The following ZMYM2 variants were observed in gnomAD, a reference collection of about 807,000 sequenced individuals.
ZMYM2 encodes the protein zinc finger MYM-type protein 2.
Under a neutral mutation model 162.8 loss-of-function variants are expected in ZMYM2, and 56 were observed. That is an observed-to-expected ratio of 0.34 (90% CI 0.28 to 0.43). The LOEUF is 0.43. Among genes scored for constraint, ZMYM2 ranks in the 20% least tolerant of loss-of-function variants. ZMYM2 has a pLI of 1.00. For synonymous variants in ZMYM2, 510 were observed against 541.6 expected, an observed-to-expected ratio of 0.94 and a Z score of 0.81; for missense variants, 1,275 against 1,621.8, an observed-to-expected ratio of 0.79 and a Z score of 3.67.
the ZMYM2 span, among the ~76,000 whole-genome samples, chr13:19,875,303 A>C: frequency 6.6e-6 from 1 of 152,098 alleles, no homozygotes; most frequent in East Asian, 1.9e-4. Context: ...TCTGGTACAT[A>C]TGTACCATGG....
the ZMYM2 span, among the ~76,000 whole-genome samples, chr13:19,896,863 A>G: frequency 0.11 from 16,855 of 151,196 alleles, 1,152 homozygotes; most frequent in Middle Eastern, 0.15. Context: ...TCACCTCATC[A>G]GGAGTTCGAG....
chr13:19,918,500 T>C, the ZMYM2 span, among the ~76,000 whole-genome samples: 20 of 129,394 alleles, frequency 1.5e-4, no homozygotes, highest in Non-Finnish European at 2.3e-4. Context: ...TCTTTCTTTT[T>C]TTTTTTTTTT....
chr13:19,874,386 ATATTTATTTATG>A, the ZMYM2 span, among the ~76,000 whole-genome samples: 1 of 151,952 alleles, frequency 6.6e-6, no homozygotes, highest in African/African-American at 2.4e-5. Context: ...CACCCAGCTA[ATATTTATTTATG>A]TATTTATTTA....
the ZMYM2 span, among the ~76,000 whole-genome samples, chr13:19,916,629 G>A: frequency 0.68 from 102,928 of 150,948 alleles, 36,805 homozygotes; most frequent in East Asian, 0.84. Context: ...ACAAAACACT[G>A]CATGTTCTCA....
the ZMYM2 span, chr13:19,864,495 G>A: frequency 3.9e-5 from 6 of 155,008 alleles, no homozygotes; most frequent in African/African-American, 1.2e-4. Context: ...CGACGGTGGA[G>A]ACACCCAGAC....
At chr13:20,072,434 T>C (rs1435439936) in intron 21 of ZMYM2, among the ~76,000 whole-genome samples, 1 of 152,124 alleles carries the variant, frequency 6.6e-6, no homozygotes, top group African/African-American at 2.4e-5. Flanking sequence ...GGCTGGAGAA[T>C]TGCTTGAACC....
chr13:19,888,452 G>T, the ZMYM2 span, among the ~76,000 whole-genome samples: 1 of 151,806 alleles, frequency 6.6e-6, no homozygotes, highest in Non-Finnish European at 1.5e-5. Flanking sequence ...GCATCCCAAA[G>T]TGCTGGCAAT....
chr13:19,920,736 GTGTATGTATGTATGTA>G, the ZMYM2 span, among the ~76,000 whole-genome samples: 15 of 149,830 alleles, frequency 1.0e-4, no homozygotes, highest in South Asian at 2.1e-4. Context: ...TCATTTATGT[GTGTATGTATGTATGTA>G]TGTATGTATG....
upstream of ZMYM2, among the ~76,000 whole-genome samples, chr13:19,956,012 G>T (rs1371085045): frequency 2.6e-5 from 4 of 152,292 alleles, no homozygotes; most frequent in Non-Finnish European, 2.9e-5. Flanking sequence ...GACATATCAT[G>T]CAATTCACAC....
At chr13:20,046,475 G>A (rs371170579) in intron 12 of ZMYM2, among the ~76,000 whole-genome samples, 21 of 151,086 alleles carry the variant, frequency 1.4e-4, no homozygotes, top group Middle Eastern at 3.4e-3. Flanking sequence ...GATCACTTGA[G>A]TTCAGGTTTT....
chr13:19,866,403 C>T, the ZMYM2 span, among the ~76,000 whole-genome samples: 1 of 152,138 alleles, frequency 6.6e-6, no homozygotes, highest in African/African-American at 2.4e-5. Context: ...CGGTGGCTCA[C>T]ACTTGTAATC....
chr13:19,960,684 G>A (rs1955112308), intron 2 of ZMYM2, among the ~76,000 whole-genome samples: 1 of 152,128 alleles, frequency 6.6e-6, no homozygotes, highest in Non-Finnish European at 1.5e-5. Context: ...ATTTTTGAAT[G>A]TGTTACCAGA....
chr13:20,058,491 T>A (rs1019316172), intron 14 of ZMYM2, 84 bp from the exon 15 acceptor site: 22 of 1,492,334 alleles, frequency 1.5e-5, no homozygotes, highest in Non-Finnish European at 1.9e-5. Context: ...GTTCCCTTCT[T>A]AGGACTGAAA....
At chr13:19,916,092 A>G in the ZMYM2 span, among the ~76,000 whole-genome samples, 2 of 151,776 alleles carry the variant, frequency 1.3e-5, no homozygotes, top group Middle Eastern at 3.2e-3. Flanking sequence ...CTATCTCCTG[A>G]CCTCATGATG....
chr13:20,050,941 A>G (rs1237029987), intron 12 of ZMYM2, among the ~76,000 whole-genome samples: 2 of 152,062 alleles, frequency 1.3e-5, no homozygotes, highest in Non-Finnish European at 2.9e-5. Context: ...AAGCTTTTCA[A>G]ATTTATATTA....
chr13:19,917,641 T>G, the ZMYM2 span, among the ~76,000 whole-genome samples: 2 of 151,786 alleles, frequency 1.3e-5, no homozygotes, highest in African/African-American at 2.4e-5. Flanking sequence ...AAGTGATTGC[T>G]TATTACGTCA....
chr13:19,950,664 G>A, the ZMYM2 span, among the ~76,000 whole-genome samples: 5 of 152,260 alleles, frequency 3.3e-5, no homozygotes, highest in South Asian at 4.1e-4. Context: ...TTCTGGTTCC[G>A]GGTCCTGCCC....
At chr13:20,066,806 T>C (rs1956714912) in intron 19 of ZMYM2, 45 bp from the exon 20 acceptor site, 7 of 1,473,748 alleles carry the variant, frequency 4.7e-6, no homozygotes, top group East Asian at 2.5e-5. Flanking sequence ...AATGAAATAA[T>C]GTAGGCTTTA....
intron 11 of ZMYM2, 36 bp from the exon 12 acceptor site, chr13:20,036,701 T>C: frequency 1.4e-6 from 2 of 1,403,838 alleles, no homozygotes; most frequent in Non-Finnish European, 1.9e-6. Context: ...TTTCATGTGT[T>C]TTTTTGTTTT....
Sources: gnomAD v4.1 joint callset for allele counts (sites outside exome capture counted in the v4.1 genomes callset) on GRCh38, gnomAD v4.1.1 for gene constraint, MANE v1.5 for transcripts, NCBI Gene and HGNC (gene_info 2026-07-23, HGNC 2026-07-21) for gene names.